DNM3: variants seen among roughly 807,000 people sequenced by gnomAD.
DNM3 encodes dynamin-3.
Under a neutral mutation model 101.6 loss-of-function variants are expected in DNM3, and 47 were observed. The observed-to-expected ratio is 0.46, with a 90% CI of 0.37 to 0.59. The LOEUF (loss-of-function observed/expected upper bound fraction) is 0.59. Ranked by LOEUF, DNM3 falls within the 20% of genes least tolerant of loss-of-function variation. The pLI is 0.00. For synonymous variants in DNM3, 385 were observed against 387.9 expected, an observed-to-expected ratio of 0.99 and a Z score of 0.09; for missense variants, 849 against 1,085.7, an observed-to-expected ratio of 0.78 and a Z score of 3.06.
intron 14 of DNM3, among the ~76,000 whole-genome samples, chr1:172,242,797 A>T (rs556390609): frequency 1.3e-5 from 2 of 152,046 alleles, no homozygotes; most frequent in Non-Finnish European, 2.9e-5. Context: ...CCACAACCTC[A>T]CTACCATACC....
chr1:171,843,637 T>C (rs2031619832), intron 1 of DNM3, among the ~76,000 whole-genome samples: 1 of 152,258 alleles, frequency 6.6e-6, no homozygotes, highest in African/African-American at 2.4e-5. Context: ...GCATTGTTTG[T>C]GGTCAGAGCT....
chr1:171,934,064 G>C (rs1282558300), intron 2 of DNM3, among the ~76,000 whole-genome samples: 3 of 152,070 alleles, frequency 2.0e-5, no homozygotes, highest in Admixed American at 6.5e-5. Flanking sequence ...ATTACTGTTG[G>C]CTAGGACTTC....
intron 1 of DNM3, among the ~76,000 whole-genome samples, chr1:171,916,005 C>G: frequency 6.6e-6 from 1 of 152,198 alleles, no homozygotes; most frequent in East Asian, 1.9e-4. Context: ...TGTCTCCAGA[C>G]AAGACTTTTG....
chr1:171,980,681 T>C (rs2044723148), intron 2 of DNM3, among the ~76,000 whole-genome samples: 1 of 152,142 alleles, frequency 6.6e-6, no homozygotes, highest in South Asian at 2.1e-4. Flanking sequence ...TTTTTAGCTT[T>C]CATATGTGAG....
intron 17 of DNM3, among the ~76,000 whole-genome samples, chr1:172,372,176 T>C (rs2068372366): frequency 6.6e-6 from 1 of 150,490 alleles, no homozygotes; most frequent in South Asian, 2.1e-4. Context: ...TTTGGTTTTT[T>C]GTTCTTGCGA....
At position 172,158,163 on chromosome 1, in the gene DNM3, G is replaced by C. The variant is rs1185378869; in HGVS notation, c.1659+26875G>C. On this transcript the variant is annotated intron_variant, in intron 14 of 20. Coordinates refer to ENST00000627582, the MANE Select transcript of DNM3 (RefSeq NM_015569.5). ...GTAAGCATGCGGATGACTGAGGAAAGAGCCTTTCAAATGGTGGGAACAGTA... is the reference window on the plus strand; with the variant it reads ...GTAAGCATGCGGATGACTGAGGAAACAGCCTTTCAAATGGTGGGAACAGTA... Among the ~76,000 whole-genome samples the C allele has an allele frequency of 2.0e-5, 3 of 152,060 alleles. No individual in the cohort carries two copies. In the East Asian group the frequency reaches 5.8e-4, roughly 30 times the overall value.
chr1:172,242,066 A>G (rs1488487954), intron 14 of DNM3, among the ~76,000 whole-genome samples: 1 of 152,138 alleles, frequency 6.6e-6, no homozygotes, highest in Non-Finnish European at 1.5e-5. Context: ...AGAATACAGA[A>G]TCTTCCTATA....
intron 2 of DNM3, among the ~76,000 whole-genome samples, chr1:171,965,296 A>G (rs1209844116): frequency 2.0e-5 from 3 of 151,830 alleles, no homozygotes; most frequent in Non-Finnish European, 4.4e-5. Flanking sequence ...TAATTCCAGC[A>G]CTTTGGGAGT....
chr1:172,317,374 G>T (rs1370375572), intron 16 of DNM3, among the ~76,000 whole-genome samples: 1 of 151,588 alleles, frequency 6.6e-6, no homozygotes, highest in African/African-American at 2.4e-5. Flanking sequence ...CAGAAGGCAA[G>T]AAATAACTAA....
intron 4 of DNM3, among the ~76,000 whole-genome samples, chr1:172,016,271 T>C (rs1325942806): frequency 6.6e-6 from 1 of 152,188 alleles, no homozygotes; most frequent in Non-Finnish European, 1.5e-5. Context: ...TTGAGAAAGT[T>C]ACCCTCTATT....
intron 15 of DNM3, among the ~76,000 whole-genome samples, chr1:172,291,077 A>G (rs2063894456): frequency 6.6e-6 from 1 of 152,208 alleles, no homozygotes; most frequent in Non-Finnish European, 1.5e-5. Flanking sequence ...GACCGTGAAA[A>G]GCGCTGTATC....
rs2071140568 is a variant in DNM3, at chr1:172,410,430, A to G, written c.*2589A>G. The G allele has an allele frequency of 2.0e-6, 2 of 985,068 alleles. No homozygotes were observed. The highest frequency in any genetic ancestry group is 2.4e-6 in the Non-Finnish European group (2 of 829,582). 61.0% of individuals were successfully genotyped at this position (985,068 alleles called of 1,614,324 possible). A position where few individuals can be genotyped will look rare whatever the true frequency, so the allele number is the denominator to read the frequency against. ...TAGATGTAGCTCTATCATGTCTAGC[A>G]TAATTTAAAAAATCAGTGTTTTTAG... On this transcript the variant is annotated 3_prime_UTR_variant, in exon 21 of 21. Transcript: ENST00000627582.
At chr1:172,140,512 A>C (rs74475928) in intron 14 of DNM3, 3 of 152,032 alleles carry the variant, frequency 2.0e-5, no homozygotes, top group African/African-American at 4.8e-5. Flanking sequence ...AAAAATTACT[A>C]TAATTCTTTA....
chr1:172,254,088 T>C (rs914704290), intron 15 of DNM3, among the ~76,000 whole-genome samples: 5 of 152,070 alleles, frequency 3.3e-5, no homozygotes, highest in African/African-American at 1.2e-4. Context: ...GACTACTGCG[T>C]GCATGCCACT....
intron 4 of DNM3, among the ~76,000 whole-genome samples, chr1:172,016,790 A>T (rs924708769): frequency 6.6e-6 from 1 of 152,120 alleles, no homozygotes; most frequent in Non-Finnish European, 1.5e-5. Context: ...GCCTGTTCCA[A>T]TCACCTATTT....
At chr1:171,916,749 C>A (rs1157752905) in intron 1 of DNM3, among the ~76,000 whole-genome samples, 1 of 152,144 alleles carries the variant, frequency 6.6e-6, no homozygotes, top group African/African-American at 2.4e-5. Context: ...CTCTATAGCG[C>A]CTTCCTGTTC....
chr1:172,141,685 C>T (rs558190580), intron 14 of DNM3, among the ~76,000 whole-genome samples: 4 of 151,958 alleles, frequency 2.6e-5, no homozygotes, highest in Admixed American at 6.6e-5. Context: ...GGTCTGTAGG[C>T]GAGAGGTGGG....
intron 14 of DNM3, among the ~76,000 whole-genome samples, chr1:172,194,025 G>C (rs1176300560): frequency 6.6e-6 from 1 of 152,148 alleles, no homozygotes; most frequent in African/African-American, 2.4e-5. Context: ...TCTACACACT[G>C]CTTTAAATGT....
intron 11 of DNM3, among the ~76,000 whole-genome samples, chr1:172,071,974 A>G (rs1315714783): frequency 2.0e-5 from 3 of 152,224 alleles, no homozygotes; most frequent in Admixed American, 1.3e-4. Flanking sequence ...TTCCAGGAAT[A>G]TAATGAGAAC....
Sources: gnomAD v4.1 joint callset for allele counts (sites outside exome capture counted in the v4.1 genomes callset) on GRCh38, gnomAD v4.1.1 for gene constraint, MANE v1.5 for transcripts, NCBI Gene and HGNC (gene_info 2026-07-23, HGNC 2026-07-21) for gene names.